The following SAMD5 variants were observed in gnomAD, a reference collection of about 807,000 sequenced individuals.
SAMD5 encodes sterile alpha motif domain containing 5, also known as sterile alpha motif domain-containing protein 5.
Under a neutral mutation model 11.3 loss-of-function variants are expected in SAMD5, and 13 were observed. The ratio of observed to expected loss-of-function variants is 1.15; its 90% CI spans 0.75 to 1.83. The LOEUF (loss-of-function observed/expected upper bound fraction) is 1.83. SAMD5 is among the 40% of genes most tolerant of loss of function. SAMD5 has a pLI of 0.00. For synonymous variants in SAMD5, 129 were observed against 111.3 expected (o/e 1.16, Z -1.00); for missense variants, 255 against 239.1 (o/e 1.07, Z -0.44).
chr6:147,809,785 G>A, the SAMD5 span, among the ~76,000 whole-genome samples: 1 of 152,180 alleles, frequency 6.6e-6, no homozygotes, highest in African/African-American at 2.4e-5. Context: ...GATCATTCTT[G>A]GTTGTGAGGG....
chr6:147,913,652 C>T, the SAMD5 span, among the ~76,000 whole-genome samples: 3 of 151,936 alleles, frequency 2.0e-5, no homozygotes, highest in East Asian at 1.9e-4. Flanking sequence ...GCTGAGATCA[C>T]GCCATTGCAC....
At chr6:147,782,659 G>A in the SAMD5 span, among the ~76,000 whole-genome samples, 1 of 152,204 alleles carries the variant, frequency 6.6e-6, no homozygotes, top group Non-Finnish European at 1.5e-5. Flanking sequence ...GCTTACTCAG[G>A]AAGGATTAAT....
At chr6:147,815,502 A>G in the SAMD5 span, among the ~76,000 whole-genome samples, 1,030 of 152,198 alleles carry the variant, frequency 6.8e-3, 13 homozygotes, top group African/African-American at 0.023. Flanking sequence ...TACCTTATGT[A>G]GCATTAGAGG....
At chr6:147,551,444 A>G (rs1434863573) in intron 1 of SAMD5, among the ~76,000 whole-genome samples, 1 of 152,130 alleles carries the variant, frequency 6.6e-6, no homozygotes, top group Non-Finnish European at 1.5e-5. Flanking sequence ...TAAGTTCTTG[A>G]TTGTGATGCT....
intron 1 of SAMD5, among the ~76,000 whole-genome samples, chr6:147,584,743 T>C (rs1218293497): frequency 6.6e-6 from 1 of 152,210 alleles, no homozygotes; most frequent in African/African-American, 2.4e-5. Flanking sequence ...AATGAGGGTA[T>C]GTATTGTCCT....
chr6:147,704,381 A>G (rs6570796), intron 1 of SAMD5, among the ~76,000 whole-genome samples: 1,585 of 152,272 alleles, frequency 0.01, 32 homozygotes, highest in African/African-American at 0.037. Flanking sequence ...GCACAACTCT[A>G]TTAAATTATG....
intron 1 of SAMD5, among the ~76,000 whole-genome samples, chr6:147,532,183 C>G (rs1788440352): frequency 6.6e-6 from 1 of 151,858 alleles, no homozygotes; most frequent in Non-Finnish European, 1.5e-5. Context: ...TTTTTGGTTA[C>G]ATAGATAAAT....
the SAMD5 span, among the ~76,000 whole-genome samples, chr6:147,925,371 A>G: frequency 6.6e-6 from 1 of 152,158 alleles, no homozygotes; most frequent in African/African-American, 2.4e-5. Flanking sequence ...TGAGAAATAC[A>G]TTTCTGTTGT....
chr6:147,698,349 G>A (rs1791207498), intron 1 of SAMD5, among the ~76,000 whole-genome samples: 1 of 152,116 alleles, frequency 6.6e-6, no homozygotes, highest in Non-Finnish European at 1.5e-5. Context: ...ATTCCAGTGT[G>A]TGAGTTTTGC....
At chr6:147,685,477 C>G (rs1173568853) in intron 1 of SAMD5, among the ~76,000 whole-genome samples, 1 of 152,160 alleles carries the variant, frequency 6.6e-6, no homozygotes, top group Non-Finnish European at 1.5e-5. Flanking sequence ...CCAGCCAGTT[C>G]CTTTAATTTG....
the SAMD5 span, among the ~76,000 whole-genome samples, chr6:147,943,043 A>G: frequency 6.6e-6 from 1 of 151,216 alleles, no homozygotes; most frequent in African/African-American, 2.4e-5. Flanking sequence ...CTGGTCTTGA[A>G]CTCCTGACCT....
chr6:147,932,216 C>T, the SAMD5 span, among the ~76,000 whole-genome samples: 2 of 152,064 alleles, frequency 1.3e-5, no homozygotes, highest in Non-Finnish European at 2.9e-5. Flanking sequence ...ATTAAATAGA[C>T]AAGAGCAAAG....
At chr6:147,863,925 C>A in the SAMD5 span, among the ~76,000 whole-genome samples, 1 of 148,950 alleles carries the variant, frequency 6.7e-6, no homozygotes, top group Non-Finnish European at 1.5e-5. Context: ...CTCACCACAA[C>A]CTCTGCCTGC....
chr6:147,821,353 T>C, the SAMD5 span, among the ~76,000 whole-genome samples: 8 of 152,372 alleles, frequency 5.3e-5, no homozygotes, highest in Admixed American at 5.2e-4. Flanking sequence ...CGTTAGATGA[T>C]GTTATACCCT....
chr6:147,843,538 C>A, the SAMD5 span, among the ~76,000 whole-genome samples: 1 of 152,122 alleles, frequency 6.6e-6, no homozygotes, highest in Non-Finnish European at 1.5e-5. Flanking sequence ...ACAGTCAAAG[C>A]CATCTTGACC....
chr6:147,605,194 C>T (rs1457142045), intron 1 of SAMD5, among the ~76,000 whole-genome samples: 2 of 152,162 alleles, frequency 1.3e-5, no homozygotes, highest in Non-Finnish European at 2.9e-5. Context: ...CTCACTGCAG[C>T]CTTGAACTCC....
the SAMD5 span, among the ~76,000 whole-genome samples, chr6:147,874,117 T>C: frequency 1.3e-5 from 2 of 152,218 alleles, no homozygotes; most frequent in Non-Finnish European, 2.9e-5. Flanking sequence ...CAAAAAACTT[T>C]AGGCAATGCT....
the SAMD5 span, among the ~76,000 whole-genome samples, chr6:147,773,488 A>G: frequency 3.9e-5 from 6 of 152,196 alleles, no homozygotes; most frequent in Non-Finnish European, 7.3e-5. Context: ...AACAACAGAT[A>G]TTTATTTCTC....
the SAMD5 span, among the ~76,000 whole-genome samples, chr6:147,834,997 G>C: frequency 1.3e-5 from 2 of 152,164 alleles, no homozygotes; most frequent in Non-Finnish European, 2.9e-5. Context: ...GGGAGGCCGA[G>C]GTGGGCTGAT....
Sources: gnomAD v4.1 joint callset for allele counts (sites outside exome capture counted in the v4.1 genomes callset) on GRCh38, gnomAD v4.1.1 for gene constraint, MANE v1.5 for transcripts, NCBI Gene and HGNC (gene_info 2026-07-23, HGNC 2026-07-21) for gene names.